The following RAP1GAP variants were observed in gnomAD, a reference collection of about 807,000 sequenced individuals.
The protein encoded by RAP1GAP is rap1 GTPase-activating protein 1.
Under a neutral mutation model 87.2 loss-of-function variants are expected in RAP1GAP, and 35 were observed. That is an observed-to-expected ratio of 0.40 (90% CI 0.31 to 0.53). The LOEUF (loss-of-function observed/expected upper bound fraction) is 0.53, where lower values mean the gene tolerates loss of function less well. RAP1GAP is among the 20% of genes least tolerant of loss of function. The pLI, the probability that RAP1GAP is intolerant of heterozygous loss-of-function variation, is 0.48. For synonymous variants in RAP1GAP, 375 were observed against 363.9 expected (o/e 1.03, Z -0.35); for missense variants, 734 against 898.9 (o/e 0.82, Z 2.35).
Position 21,606,059 on chromosome 1 carries a change from C to A in RAP1GAP, c.1428+7G>T, listed in dbSNP as rs925715720. On this transcript the variant is annotated splice_region_variant and intron_variant, in intron 18 of 24. Transcript: ENST00000374765. ...GGCCGGGGCCTGGGGAGGGGGAGGG[C>A]ACTCACTATTCCAGCCGCCTTGGCC... The A allele has an allele frequency of 2.9e-5, 45 of 1,575,114 alleles. No individual in the cohort carries two copies. The highest frequency in any genetic ancestry group is 3.9e-5 in the Non-Finnish European group (45 of 1,161,998).
chr1:21,604,860 G>A (rs1287998789), intron 18 of RAP1GAP, among the ~76,000 whole-genome samples: 1 of 147,602 alleles, frequency 6.8e-6, no homozygotes, highest in Non-Finnish European at 1.5e-5. Flanking sequence ...TGGATGGATG[G>A]ATGGATGGAT....
At chr1:21,637,981 A>AAC (rs1022045684) in intron 2 of RAP1GAP, among the ~76,000 whole-genome samples, 4 of 150,148 alleles carry the variant, frequency 2.7e-5, no homozygotes, top group African/African-American at 9.8e-5. Flanking sequence ...CCAAAAAAAA[A>AAC]AAAAAAAAAA....
chr1:21,602,427 C>T (rs969725619), intron 19 of RAP1GAP, among the ~76,000 whole-genome samples: 10 of 152,162 alleles, frequency 6.6e-5, no homozygotes, highest in East Asian at 5.8e-4. Flanking sequence ...CACTCATGGA[C>T]CCCCCAGGCC....
rs2094440519 is a variant in RAP1GAP, at chr1:21,634,910, G to A, written c.-112-8513C>T. The A allele has an allele frequency of 5.5e-6, 1 of 181,078 alleles. No homozygotes were observed. The highest frequency in any genetic ancestry group is 2.4e-5 in the African/African-American group (1 of 42,180). 11.2% of individuals were successfully genotyped at this position (181,078 alleles called of 1,614,324 possible). On this transcript the variant is annotated intron_variant, in intron 2 of 24. Transcript: ENST00000374765. This position sits in a 1 kb window ranked among gnomAD's most constrained non-coding sequence, Gnocchi z 4.1. ...TAAGGAGGAGGAGTGACTCTGAGAT[G>A]ACCCGGCCGCAGGGCCTCTTCCTGC...
chr1:21,618,088 A>T (rs538115781), intron 5 of RAP1GAP, 116 bp from the exon 6 acceptor site: 2 of 1,221,178 alleles, frequency 1.6e-6, no homozygotes, highest in South Asian at 2.4e-5. Context: ...CCCTGGCCTC[A>T]TCACCTCTTA....
chr1:21,662,611 C>A (rs965305459), intron 1 of RAP1GAP, among the ~76,000 whole-genome samples: 1 of 152,138 alleles, frequency 6.6e-6, no homozygotes, highest in Admixed American at 6.5e-5. Context: ...TTCAGGGCCA[C>A]GTCCTGCAGG....
In RAP1GAP at chr1:21,613,909, G is replaced by T; in HGVS notation, c.395+77C>A. 1 of 1,310,576 alleles carries T rather than the reference G, an allele frequency of 7.6e-7. No homozygotes were observed. The highest frequency in any genetic ancestry group is 1.1e-6 in the Non-Finnish European group (1 of 933,632). 81.2% of individuals were successfully genotyped at this position (1,310,576 alleles called of 1,614,324 possible). A position where few individuals can be genotyped will look rare whatever the true frequency, so the allele number is the denominator to read the frequency against. On this transcript the variant is annotated intron_variant, in intron 8 of 24. Transcript: ENST00000374765. The surrounding 1 kb of genome is among the most constrained non-coding windows in gnomAD (Gnocchi z 4.7). ...CTCTATGGGCCTTGATGAAGAGAGT[G>T]GGTCAAATGAGATGGGCTCTGAGAT... is the stretch of plus-strand genomic sequence containing the variant.
intron 21 of RAP1GAP, among the ~76,000 whole-genome samples, chr1:21,599,197 G>A (rs1040254556): frequency 1.2e-4 from 18 of 152,230 alleles, no homozygotes; most frequent in African/African-American, 3.9e-4. Context: ...AGCCTGGGAG[G>A]CTTGGGGGAC....
intron 1 of RAP1GAP, chr1:21,651,821 A>ATGG: frequency 8.0e-7 from 1 of 1,255,546 alleles, no homozygotes; most frequent in Non-Finnish European, 1.0e-6. Context: ...CCGGCCGCTC[A>ATGG]TGGTGCCGCC....
rs1004313828 is a variant in RAP1GAP at position 21,609,367 on chromosome 1, G to A, written c.1071+208C>T. On this transcript the variant is annotated intron_variant, in intron 15 of 24. Coordinates refer to ENST00000374765, the MANE Select transcript of RAP1GAP (RefSeq NM_002885.4). The surrounding 1 kb of genome is among the most constrained non-coding windows in gnomAD (Gnocchi z 4.4). ...CTACTATGGAAAGTGTAAAACAATC[G>A]TGTAGTTTATCCTGTGACCTTGTGA... Among the ~76,000 whole-genome samples the A allele has an allele frequency of 2.7e-5, 4 of 150,744 alleles. No homozygotes were observed. The highest frequency in any genetic ancestry group is 2.1e-4 in the South Asian group (1 of 4,772).
At chr1:21,641,198 G>A (rs1435664671) in intron 2 of RAP1GAP, among the ~76,000 whole-genome samples, 1 of 151,664 alleles carries the variant, frequency 6.6e-6, no homozygotes, top group African/African-American at 2.4e-5. Context: ...TAGGATTACA[G>A]GCATGAGCCA....
At position 21,622,660 on chromosome 1, in the gene RAP1GAP, C is replaced by T. The variant is rs1467945958; in HGVS notation, c.-18-2610G>A. The T allele has an allele frequency of 4.0e-5, 6 of 149,014 alleles. No homozygotes were observed. Among genetic ancestry groups the T allele is most frequent in the African/African-American group, 1.5e-4 (6 of 41,092 alleles). The allele number at this position is 149,014 out of a possible 1,614,324, so 9.2% of individuals were successfully genotyped here. A position where few individuals can be genotyped will look rare whatever the true frequency, so the allele number is the denominator to read the frequency against. ...CGCTGAAGCCACGCCCCCCGGGCGGCCCGGCCCGCGGCCCCGGGACACCGC... is the reference window on the plus strand; with the variant it reads ...CGCTGAAGCCACGCCCCCCGGGCGGTCCGGCCCGCGGCCCCGGGACACCGC... On this transcript the variant is annotated intron_variant, in intron 3 of 24. Transcript: ENST00000374765. The surrounding 1 kb of genome is among the most constrained non-coding windows in gnomAD (Gnocchi z 5.7).
At chr1:21,660,779 C>T (rs72660354) in intron 1 of RAP1GAP, among the ~76,000 whole-genome samples, 9 of 152,304 alleles carry the variant, frequency 5.9e-5, no homozygotes, top group South Asian at 2.1e-4. Flanking sequence ...TGCTCACGAA[C>T]GGCTTGCACG....
intron 18 of RAP1GAP, among the ~76,000 whole-genome samples, chr1:21,604,721 C>T (rs2148911556): frequency 6.6e-6 from 1 of 152,066 alleles, no homozygotes; most frequent in East Asian, 1.9e-4. Flanking sequence ...TGCCACGTGA[C>T]ATAGCCTCAC....
chr1:21,600,332 G>T (rs2067116479), intron 20 of RAP1GAP, among the ~76,000 whole-genome samples: 1 of 152,050 alleles, frequency 6.6e-6, no homozygotes, highest in Admixed American at 6.5e-5. Context: ...CGTCTCCCTG[G>T]TCCCTGCCAC....
chr1:21,599,611 C>A lies in RAP1GAP; in HGVS notation c.1659G>T (p.Glu553Asp). 1 of 1,605,044 alleles carries A rather than the reference C, an allele frequency of 6.2e-7. No individual in the cohort carries two copies. Among genetic ancestry groups the A allele is most frequent in the Non-Finnish European group, 8.5e-7 (1 of 1,179,658 alleles). ...PEMPTTKNRAETAAQRAEALK... is the reference protein window; with the variant it reads ...PEMPTTKNRADTAAQRAEALK... ...GCGCCTCTGCTCTCTGCGCTGCGGT[C>A]TCCGCTCTGCCACAGACAGTGCCCC... The change falls in exon 21 of 25, where the codon GAG becomes GAT. Residue 553 changes from glutamate (E) to aspartate (D), a missense_variant. Around this residue, in one of 2 missense-constraint regions of RAP1GAP, gnomAD observed 249 missense variants for 252.7 expected, o/e 0.99. Coordinates refer to ENST00000374765, the MANE Select transcript of RAP1GAP (RefSeq NM_002885.4).
At chr1:21,608,572 C>A (rs1284604513) in intron 16 of RAP1GAP, among the ~76,000 whole-genome samples, 1 of 151,380 alleles carries the variant, frequency 6.6e-6, no homozygotes, top group East Asian at 2.0e-4. Flanking sequence ...CCTTCAAGAT[C>A]TGGCTTCATG....
rs2076858946 is a variant in RAP1GAP at position 21,609,451 on chromosome 1, G to C, written c.1071+124C>G. The C allele has an allele frequency of 3.6e-6, 2 of 556,592 alleles. No homozygotes were observed. Among genetic ancestry groups the C allele is most frequent in the Non-Finnish European group, 6.1e-6 (2 of 325,716 alleles). The allele number at this position is 556,592 out of a possible 1,614,324, so 34.5% of individuals were successfully genotyped here. A position where few individuals can be genotyped will look rare whatever the true frequency, so the allele number is the denominator to read the frequency against. ...AAAAGCCAGGCCCCGGTTGCAGTTA[G>C]GGGAGCCCAGCTGCCCTGGCATACA... On this transcript the variant is annotated intron_variant, in intron 15 of 24. Coordinates refer to ENST00000374765, the MANE Select transcript of RAP1GAP (RefSeq NM_002885.4). The surrounding 1 kb of genome is among the most constrained non-coding windows in gnomAD (Gnocchi z 4.4).
intron 3 of RAP1GAP, among the ~76,000 whole-genome samples, chr1:21,624,378 CTG>C (rs2150146567): frequency 6.6e-6 from 1 of 152,338 alleles, no homozygotes; most frequent in South Asian, 2.1e-4. Context: ...AGAGAAGAAA[CTG>C]TCACCTCTGT....
Sources: allele counts gnomAD v4.1 joint callset (sites outside exome capture counted in the v4.1 genomes callset), GRCh38; gene constraint gnomAD v4.1.1; regional missense constraint gnomAD v4.1.1; non-coding constraint Gnocchi (gnomAD v3.1); transcripts MANE v1.5; gene names NCBI Gene and HGNC (gene_info 2026-07-23, HGNC 2026-07-21).